DLGAP2: variants seen among roughly 807,000 people sequenced by gnomAD.
The protein encoded by DLGAP2 is disks large-associated protein 2.
DLGAP2 carries 26 observed loss-of-function variants against 100.3 expected under a neutral mutation model. The ratio of observed to expected loss-of-function variants is 0.26; its 90% CI spans 0.19 to 0.36. The LOEUF is 0.36. Among genes scored for constraint, DLGAP2 ranks in the 10% least tolerant of loss-of-function variants. The probability of loss-of-function intolerance (pLI) is 1.00; values close to 1 mark genes in which losing one functional copy is unlikely to be tolerated. For missense variants in DLGAP2, 1,858 were observed against 1,453.2 expected, an observed-to-expected ratio of 1.28 and a Z score of -4.53; for synonymous variants, 886 against 630.1, an observed-to-expected ratio of 1.41 and a Z score of -6.08.
chr8:1,699,634 T>C (rs1409537434), intron 14 of DLGAP2, among the ~76,000 whole-genome samples: 2 of 147,436 alleles, frequency 1.4e-5, no homozygotes, highest in Non-Finnish European at 3.0e-5. Context: ...AGAAAGAAAA[T>C]GGAAATGGTT....
At chr8:1,172,673 C>T (rs1797154193) in intron 2 of DLGAP2, among the ~76,000 whole-genome samples, 1 of 152,178 alleles carries the variant, frequency 6.6e-6, no homozygotes, top group South Asian at 2.1e-4. Context: ...CAGTTGATCA[C>T]ATCGGCTCCT....
intron 3 of DLGAP2, among the ~76,000 whole-genome samples, chr8:1,433,280 T>C (rs1797512272): frequency 6.6e-6 from 1 of 152,224 alleles, no homozygotes. Flanking sequence ...CTCTCTGCTC[T>C]ACATGTTCCG....
intron 2 of DLGAP2, chr8:1,019,182 C>A (rs995516542): frequency 6.6e-6 from 1 of 152,130 alleles, no homozygotes; most frequent in African/African-American, 2.4e-5. Flanking sequence ...TGAGTGTGAA[C>A]AGCTTTCACA....
chr8:828,348 C>T (rs536881931), intron 1 of DLGAP2, among the ~76,000 whole-genome samples: 3 of 152,322 alleles, frequency 2.0e-5, no homozygotes, highest in Non-Finnish European at 4.4e-5. Flanking sequence ...CAGAGACCTA[C>T]CCCTAGGTGC....
rs11285812 is a variant in DLGAP2 at position 1,538,885 on chromosome 8, C to CT, written c.173-9721dup. 5.2e-3 allele frequency among the ~76,000 whole-genome samples: 576 copies of CT among 110,316 alleles called. 8 individuals carry two copies. In the East Asian group the frequency reaches 0.072, roughly 14 times the overall value. The allele number at this position is 110,316 out of a possible 152,430, so 72.4% of individuals were successfully genotyped here. ...TCGTGTCATGACAGCTGTCACTCAT[C>CT]TTTTTTTTTTTTTTTTTTTTGAGAC... On this transcript the variant is annotated intron_variant, in intron 4 of 14. Coordinates refer to ENST00000637795, the MANE Select transcript of DLGAP2 (RefSeq NM_001346810.2).
intron 3 of DLGAP2, among the ~76,000 whole-genome samples, chr8:1,390,914 C>T (rs988358710): frequency 1.2e-4 from 18 of 152,186 alleles, no homozygotes; most frequent in African/African-American, 4.1e-4. Context: ...CAGGCAGCAA[C>T]CTCAGAAGCC....
At chr8:1,452,790 G>A (rs1184888184) in intron 3 of DLGAP2, among the ~76,000 whole-genome samples, 5 of 152,160 alleles carry the variant, frequency 3.3e-5, no homozygotes, top group Non-Finnish European at 7.3e-5. Flanking sequence ...CTGGGGACCC[G>A]AGCTTCTTAG....
At chr8:1,067,374 G>A (rs1803287694) in intron 2 of DLGAP2, among the ~76,000 whole-genome samples, 1 of 152,180 alleles carries the variant, frequency 6.6e-6, no homozygotes, top group Non-Finnish European at 1.5e-5. Context: ...CCCAGCAGGG[G>A]CCCTGCCTGT....
At chr8:1,514,094 T>G (rs1203981990) in intron 4 of DLGAP2, among the ~76,000 whole-genome samples, 1 of 152,228 alleles carries the variant, frequency 6.6e-6, no homozygotes, top group Non-Finnish European at 1.5e-5. Flanking sequence ...TAGGCAGGCA[T>G]TGGGTGGCGT....
At chr8:996,340 C>T (rs1584956955) in intron 2 of DLGAP2, among the ~76,000 whole-genome samples, 2 of 152,144 alleles carry the variant, frequency 1.3e-5, no homozygotes, top group South Asian at 2.1e-4. Flanking sequence ...TCTCCGAGGG[C>T]CCCAGTGTCA....
chr8:1,268,097 C>T (rs1387508128), intron 3 of DLGAP2, among the ~76,000 whole-genome samples: 1 of 152,192 alleles, frequency 6.6e-6, no homozygotes, highest in Non-Finnish European at 1.5e-5. Flanking sequence ...ATAAAATTCA[C>T]AAATAAACCC....
intron 4 of DLGAP2, among the ~76,000 whole-genome samples, chr8:1,523,113 G>C (rs1418601588): frequency 2.0e-5 from 3 of 152,222 alleles, no homozygotes; most frequent in African/African-American, 7.2e-5. Flanking sequence ...CCTGGGACCT[G>C]GGAGCTTTCA....
At chr8:1,086,894 A>G (rs536018025) in intron 2 of DLGAP2, among the ~76,000 whole-genome samples, 4 of 152,340 alleles carry the variant, frequency 2.6e-5, no homozygotes, top group Admixed American at 6.5e-5. Flanking sequence ...TTGAACAACA[A>G]TTTAGACCAA....
At chr8:1,429,461 A>G (rs898252123) in intron 3 of DLGAP2, among the ~76,000 whole-genome samples, 2 of 152,176 alleles carry the variant, frequency 1.3e-5, no homozygotes, top group Non-Finnish European at 2.9e-5. Context: ...CATACTAAAC[A>G]AAGTACAGGA....
At chr8:880,119 G>C (rs1164816202) in intron 1 of DLGAP2, among the ~76,000 whole-genome samples, 1 of 152,142 alleles carries the variant, frequency 6.6e-6, no homozygotes. Flanking sequence ...GTGAGGGGAA[G>C]TTTTCTTTGC....
intron 3 of DLGAP2, among the ~76,000 whole-genome samples, chr8:1,310,169 A>C (rs549689489): frequency 6.6e-6 from 1 of 152,296 alleles, no homozygotes; most frequent in African/African-American, 2.4e-5. Context: ...TCTTCAAAGA[A>C]AGTATTTTAA....
intron 8 of DLGAP2, among the ~76,000 whole-genome samples, chr8:1,636,004 T>C (rs1466308860): frequency 6.6e-6 from 1 of 152,184 alleles, no homozygotes; most frequent in Non-Finnish European, 1.5e-5. Context: ...GAGCCACGCA[T>C]ATAAACGTTC....
intron 3 of DLGAP2, among the ~76,000 whole-genome samples, chr8:1,464,614 G>T (rs1193857793): frequency 3.3e-5 from 5 of 152,206 alleles, no homozygotes; most frequent in African/African-American, 1.2e-4. Context: ...CTCCCAGGCA[G>T]CTAGTCACTG....
At chr8:1,594,022 G>C (rs911773491) in intron 6 of DLGAP2, among the ~76,000 whole-genome samples, 5 of 152,148 alleles carry the variant, frequency 3.3e-5, no homozygotes, top group Admixed American at 3.3e-4. Context: ...TAGACTAGTA[G>C]ATGCGATGGT....
Sources: gnomAD v4.1 joint callset for allele counts (sites outside exome capture counted in the v4.1 genomes callset) on GRCh38, gnomAD v4.1.1 for gene constraint, MANE v1.5 for transcripts, NCBI Gene and HGNC (gene_info 2026-07-23, HGNC 2026-07-21) for gene names.